Variants in RNF144A observed in about 807,000 individuals in gnomAD.
The protein encoded by RNF144A is ring finger protein 144A.
In RNF144A, 11 loss-of-function variants were observed where a neutral mutation model predicts 38.7. That is an observed-to-expected ratio of 0.28 (90% CI 0.18 to 0.47). The LOEUF (loss-of-function observed/expected upper bound fraction) is 0.47. RNF144A is among the 20% of genes least tolerant of loss of function. The pLI is 0.99. For missense variants in RNF144A, 316 were observed against 377.2 expected (o/e 0.84, Z 1.34); for synonymous variants, 149 against 143.9 (o/e 1.04, Z -0.25).
intron 6 of RNF144A, chr2:7,062,789 A>T (rs1361008913): frequency 6.6e-6 from 1 of 152,160 alleles, no homozygotes; most frequent in Non-Finnish European, 1.5e-5. Flanking sequence ...TTGATCCTTA[A>T]TCAGCTCAAA....
At chr2:6,994,255 T>G (rs1424347670) in intron 2 of RNF144A, among the ~76,000 whole-genome samples, 1 of 152,118 alleles carries the variant, frequency 6.6e-6, no homozygotes, top group Non-Finnish European at 1.5e-5. Context: ...CCCTTGAAAC[T>G]TTTCCAGCCC....
intron 2 of RNF144A, among the ~76,000 whole-genome samples, chr2:6,959,319 C>G (rs575037266): frequency 6.6e-6 from 1 of 151,962 alleles, no homozygotes; most frequent in African/African-American, 2.4e-5. Context: ...GATTGAAAGG[C>G]GGGATGGAAG....
chr2:7,032,166 C>T (rs557691278), intron 8 of RNF144A, among the ~76,000 whole-genome samples: 4 of 152,386 alleles, frequency 2.6e-5, no homozygotes, highest in South Asian at 2.1e-4. Context: ...TCTCTTTGCA[C>T]GTGGCCCGGC....
In RNF144A at chr2:6,941,955, G is replaced by A. The variant is rs573688849; in HGVS notation, c.-12+808G>A. ...GGCTGTGCCTGCCATTGCAGGCTGT[G>A]GGGGAATTCTAGGTTCATGATGGGA... is the stretch of plus-strand genomic sequence containing the variant. On this transcript the variant is annotated intron_variant, in intron 2 of 8. Transcript: ENST00000320892. The surrounding 1 kb of genome is among the most constrained non-coding windows in gnomAD (Gnocchi z 6.5). 8.0e-4 allele frequency among the ~76,000 whole-genome samples: 122 copies of A among 152,362 alleles called. No individual in the cohort carries two copies. The highest frequency in any genetic ancestry group is 2.9e-3 in the African/African-American group (120 of 41,580).
intron 2 of RNF144A, among the ~76,000 whole-genome samples, chr2:6,951,618 T>C (rs1413342165): frequency 6.6e-6 from 1 of 152,220 alleles, no homozygotes; most frequent in Non-Finnish European, 1.5e-5. Flanking sequence ...TATCCATGTA[T>C]TTATGTCTGA....
intron 2 of RNF144A, among the ~76,000 whole-genome samples, chr2:6,967,751 G>A (rs958099499): frequency 1.3e-5 from 2 of 152,084 alleles, no homozygotes; most frequent in Non-Finnish European, 2.9e-5. Context: ...CACTTGCATA[G>A]GAATCATTGT....
At chr2:6,963,770 A>G (rs1484223834) in intron 2 of RNF144A, among the ~76,000 whole-genome samples, 2 of 152,162 alleles carry the variant, frequency 1.3e-5, no homozygotes, top group East Asian at 1.9e-4. Context: ...GTGTGCAGTC[A>G]TTGGGTGAGG....
chr2:7,040,715 A>G lies in RNF144A; in HGVS notation c.*955A>G, dbSNP rs1210281576. ...TAGACAGTAAGAAGAAAGCAGCCTC[A>G]TTGATCCGCAGATGTAGGGGCCTCT... is the stretch of plus-strand genomic sequence containing the variant. On this transcript the variant is annotated 3_prime_UTR_variant, in exon 9 of 9. Coordinates refer to ENST00000320892, the MANE Select transcript of RNF144A (RefSeq NM_014746.6). 1.0e-6 allele frequency: 1 copy of G among 985,334 alleles called. No homozygotes were observed. The highest frequency in any genetic ancestry group is 1.1e-4 in the East Asian group (1 of 8,824). The allele number at this position is 985,334 out of a possible 1,614,324, so 61.0% of individuals were successfully genotyped here.
At chr2:6,930,295 G>A (rs968843700) in intron 1 of RNF144A, among the ~76,000 whole-genome samples, 11 of 152,160 alleles carry the variant, frequency 7.2e-5, no homozygotes, top group Admixed American at 7.2e-4. Flanking sequence ...GCAGTTTGAT[G>A]TACAAACTTG....
chr2:6,921,640 C>G (rs112540914), intron 1 of RNF144A, among the ~76,000 whole-genome samples: 1 of 152,182 alleles, frequency 6.6e-6, no homozygotes, highest in Non-Finnish European at 1.5e-5. Flanking sequence ...AGGCTGTAGT[C>G]TAGGGAGCGG....
At chr2:6,949,729 C>T (rs1006105379) in intron 2 of RNF144A, among the ~76,000 whole-genome samples, 3 of 152,096 alleles carry the variant, frequency 2.0e-5, no homozygotes, top group Admixed American at 6.6e-5. Flanking sequence ...ATTGGATTTT[C>T]GGAATTCATT....
At chr2:7,004,470 G>A (rs1670313864) in intron 3 of RNF144A, among the ~76,000 whole-genome samples, 1 of 152,194 alleles carries the variant, frequency 6.6e-6, no homozygotes, top group African/African-American at 2.4e-5. Flanking sequence ...CTAGGATCCA[G>A]TCCACCAGAT....
rs1181205864 is a variant in RNF144A, at chr2:6,962,449, T to A, written c.-12+21302T>A. Among the ~76,000 whole-genome samples the A allele has an allele frequency of 6.6e-6, 1 of 152,220 alleles. No individual in the cohort carries two copies. The highest frequency in any genetic ancestry group is 2.4e-5 in the African/African-American group (1 of 41,458). On this transcript the variant is annotated intron_variant, in intron 2 of 8. Transcript: ENST00000320892. This position sits in a 1 kb window ranked among gnomAD's most constrained non-coding sequence, Gnocchi z 4.1. ...GCAGCTCCATTTCTCAGGCTGTTCT[T>A]TGTTACAAGAGAAATGATTTTGGGA...
intron 5 of RNF144A, among the ~76,000 whole-genome samples, chr2:7,016,914 C>T (rs1671175516): frequency 6.6e-6 from 1 of 152,190 alleles, no homozygotes; most frequent in African/African-American, 2.4e-5. Flanking sequence ...AATGTCTCCT[C>T]TGATATAACA....
chr2:7,020,238 T>C (rs1671427201), intron 5 of RNF144A, among the ~76,000 whole-genome samples: 1 of 152,070 alleles, frequency 6.6e-6, no homozygotes, highest in African/African-American at 2.4e-5. Flanking sequence ...GCAGCATTCC[T>C]GAGGGATGTC....
chr2:7,043,700 G>C lies in RNF144A; in HGVS notation c.*3940G>C, dbSNP rs1053758915. ...TGCTTCACAACTAGGAGAGCATGCCGTCTTGATGTTTAAAAAACCCAGGGT... is the reference window on the plus strand; with the variant it reads ...TGCTTCACAACTAGGAGAGCATGCCCTCTTGATGTTTAAAAAACCCAGGGT... On this transcript the variant is annotated 3_prime_UTR_variant, in exon 9 of 9. Coordinates refer to ENST00000320892, the MANE Select transcript of RNF144A (RefSeq NM_014746.6). 1.3e-5 allele frequency: 13 copies of C among 985,724 alleles called. No homozygotes were observed. The highest frequency in any genetic ancestry group is 1.2e-6 in the Non-Finnish European group (1 of 829,938). 61.1% of individuals were successfully genotyped at this position (985,724 alleles called of 1,614,324 possible). A position where few individuals can be genotyped will look rare whatever the true frequency, so the allele number is the denominator to read the frequency against.
At chr2:6,938,523 G>T (rs1368417953) in intron 1 of RNF144A, among the ~76,000 whole-genome samples, 1 of 152,092 alleles carries the variant, frequency 6.6e-6, no homozygotes, top group Non-Finnish European at 1.5e-5. Flanking sequence ...TGGGATTACA[G>T]GTGTGAGCCA....
chr2:6,996,174 G>A (rs1372873901), intron 2 of RNF144A, among the ~76,000 whole-genome samples: 1 of 152,148 alleles, frequency 6.6e-6, no homozygotes, highest in Non-Finnish European at 1.5e-5. Context: ...GAAAACTCAA[G>A]CCTCACCACC....
At chr2:7,003,108 C>CAT (rs1392677041) in intron 3 of RNF144A, among the ~76,000 whole-genome samples, 116 of 149,700 alleles carry the variant, frequency 7.7e-4, no homozygotes, top group African/African-American at 2.6e-3. Context: ...TATATATACA[C>CAT]ATATATATAT....
Sources: allele counts gnomAD v4.1 joint callset (sites outside exome capture counted in the v4.1 genomes callset), GRCh38; gene constraint gnomAD v4.1.1; non-coding constraint Gnocchi (gnomAD v3.1); transcripts MANE v1.5; gene names NCBI Gene and HGNC (gene_info 2026-07-23, HGNC 2026-07-21).